HS6ST3: variants seen among roughly 807,000 people sequenced by gnomAD.
HS6ST3 encodes heparan-sulfate 6-O-sulfotransferase 3.
HS6ST3 carries 12 observed loss-of-function variants against 36.7 expected under a neutral mutation model. The observed-to-expected ratio is 0.33, with a 90% CI of 0.21 to 0.53. The LOEUF is 0.53. Ranked by LOEUF, HS6ST3 falls within the 20% of genes least tolerant of loss-of-function variation. The pLI, the probability that HS6ST3 is intolerant of heterozygous loss-of-function variation, is 0.95. For synonymous variants in HS6ST3, 240 were observed against 257.5 expected, an observed-to-expected ratio of 0.93 and a Z score of 0.65; for missense variants, 584 against 640.9, an observed-to-expected ratio of 0.91 and a Z score of 0.96.
intron 1 of HS6ST3, among the ~76,000 whole-genome samples, chr13:96,190,219 T>C (rs1012491287): frequency 5.3e-5 from 8 of 152,206 alleles, no homozygotes; most frequent in African/African-American, 1.9e-4. Flanking sequence ...TAGAAGTGTT[T>C]ACTGTGTTGT....
At chr13:96,448,231 A>G (rs1027394843) in intron 1 of HS6ST3, among the ~76,000 whole-genome samples, 4 of 152,186 alleles carry the variant, frequency 2.6e-5, no homozygotes, top group South Asian at 4.1e-4. Context: ...CCCACTAAAC[A>G]TACATTTGAC....
At chr13:96,541,345 A>G (rs1023444318) in intron 1 of HS6ST3, among the ~76,000 whole-genome samples, 1 of 152,036 alleles carries the variant, frequency 6.6e-6, no homozygotes, top group Non-Finnish European at 1.5e-5. Context: ...CCCCATTTAG[A>G]TCAAGTCTGA....
At chr13:96,187,310 A>G (rs2054269370) in intron 1 of HS6ST3, among the ~76,000 whole-genome samples, 1 of 152,266 alleles carries the variant, frequency 6.6e-6, no homozygotes, top group African/African-American at 2.4e-5. Context: ...AGCTGATCAA[A>G]TAATTAACAA....
At chr13:96,536,688 G>A (rs2056156627) in intron 1 of HS6ST3, among the ~76,000 whole-genome samples, 1 of 152,174 alleles carries the variant, frequency 6.6e-6, no homozygotes, top group African/African-American at 2.4e-5. Context: ...ACAGATTGGT[G>A]CTTGCCACCC....
intron 1 of HS6ST3, among the ~76,000 whole-genome samples, chr13:96,267,413 T>C (rs2054697782): frequency 6.6e-6 from 1 of 152,194 alleles, no homozygotes; most frequent in African/African-American, 2.4e-5. Flanking sequence ...TAAATTCTAA[T>C]TCTAATTTAA....
chr13:96,498,897 T>G (rs1233639706), intron 1 of HS6ST3, among the ~76,000 whole-genome samples: 3 of 152,220 alleles, frequency 2.0e-5, no homozygotes, highest in Non-Finnish European at 4.4e-5. Flanking sequence ...AAGAAAAGAC[T>G]GAGTCATCCA....
intron 1 of HS6ST3, chr13:96,169,641 T>C (rs1421644070): frequency 6.6e-6 from 1 of 152,244 alleles, no homozygotes; most frequent in Non-Finnish European, 1.5e-5. Context: ...TGGGCTGTAG[T>C]GTGCTGTGCC....
At chr13:96,251,483 C>T (rs1391508190) in intron 1 of HS6ST3, among the ~76,000 whole-genome samples, 1 of 151,896 alleles carries the variant, frequency 6.6e-6, no homozygotes, top group Non-Finnish European at 1.5e-5. Context: ...TCTTTTTTCC[C>T]TAGTCTAGCT....
intron 1 of HS6ST3, among the ~76,000 whole-genome samples, chr13:96,453,656 T>C (rs906427505): frequency 2.0e-5 from 3 of 152,132 alleles, no homozygotes; most frequent in Non-Finnish European, 4.4e-5. Context: ...AGAATTATTA[T>C]TGAAGCTACA....
At chr13:96,297,432 A>G (rs2054860575) in intron 1 of HS6ST3, among the ~76,000 whole-genome samples, 1 of 152,064 alleles carries the variant, frequency 6.6e-6, no homozygotes, top group Non-Finnish European at 1.5e-5. Flanking sequence ...CCAAAGCGGA[A>G]CTCTTAATCC....
Position 96,774,951 on chromosome 13 carries a change from C to A in HS6ST3, c.708-57539C>A, listed in dbSNP as rs192708069. Among the ~76,000 whole-genome samples the A allele has an allele frequency of 3.4e-3, 524 of 152,168 alleles. 2 individuals carry two copies. The highest frequency in any genetic ancestry group is 8.6e-3 in the Admixed American group (131 of 15,288). ...CAGAGAGAAAGGTTGGGTTACCCACCAAGGGAAGCCCACCAGACTAACAGT... is the reference window on the plus strand; with the variant it reads ...CAGAGAGAAAGGTTGGGTTACCCACAAAGGGAAGCCCACCAGACTAACAGT... On this transcript the variant is annotated intron_variant, in intron 1 of 1. Coordinates refer to ENST00000376705, the MANE Select transcript of HS6ST3 (RefSeq NM_153456.4).
At chr13:96,462,745 T>C (rs1450486278) in intron 1 of HS6ST3, among the ~76,000 whole-genome samples, 1 of 152,218 alleles carries the variant, frequency 6.6e-6, no homozygotes, top group Non-Finnish European at 1.5e-5. Context: ...GAAGGCAATT[T>C]AGCAAATTAC....
chr13:96,404,924 C>T (rs904422466), intron 1 of HS6ST3, among the ~76,000 whole-genome samples: 1 of 152,130 alleles, frequency 6.6e-6, no homozygotes, highest in African/African-American at 2.4e-5. Context: ...CTGCGTTGTG[C>T]TGGTGATAGT....
rs534470029 is a variant in HS6ST3, at chr13:96,580,869, CT to C, written c.708-251619del. Reference sequence around the variant, plus strand: ...AGCCTTTAACATTTAAATAATCAGCCTTCCTAAAATGATTGAAAATTGGATC... The same window carrying C: ...AGCCTTTAACATTTAAATAATCAGCCTCCTAAAATGATTGAAAATTGGATC... On this transcript the variant is annotated intron_variant, in intron 1 of 1. Transcript: ENST00000376705. Among the ~76,000 whole-genome samples, 1,013 of 152,016 alleles carry C rather than the reference CT, an allele frequency of 6.7e-3. 14 individuals are homozygous for C. Among genetic ancestry groups the C allele is most frequent in the African/African-American group, 0.023 (973 of 41,476 alleles).
chr13:96,789,353 A>G (rs934851875), intron 1 of HS6ST3, among the ~76,000 whole-genome samples: 1 of 151,828 alleles, frequency 6.6e-6, no homozygotes. Flanking sequence ...ACATCTACAT[A>G]CATTGAAACC....
At chr13:96,196,236 C>T (rs192456915) in intron 1 of HS6ST3, among the ~76,000 whole-genome samples, 1 of 152,290 alleles carries the variant, frequency 6.6e-6, no homozygotes, top group East Asian at 1.9e-4. Flanking sequence ...CTTCTACCCT[C>T]CTACTCAAAT....
chr13:96,686,456 CTG>C (rs1296511322), intron 1 of HS6ST3, among the ~76,000 whole-genome samples: 1 of 151,996 alleles, frequency 6.6e-6, no homozygotes, highest in African/African-American at 2.4e-5. Flanking sequence ...TGCAAGGTAA[CTG>C]AAACTATTCC....
intron 1 of HS6ST3, among the ~76,000 whole-genome samples, chr13:96,482,713 T>C (rs34504264): frequency 6.6e-6 from 1 of 152,124 alleles, no homozygotes; most frequent in East Asian, 1.9e-4. Context: ...TATAAAGAAG[T>C]GGATAAGATA....
At chr13:96,360,646 C>CA (rs5805964) in intron 1 of HS6ST3, among the ~76,000 whole-genome samples, 59,189 of 134,114 alleles carry the variant, frequency 0.44, 13,500 homozygotes, top group Non-Finnish European at 0.53. Context: ...TTTGTATTAT[C>CA]AAAAAAAAAA....
Sources: gnomAD v4.1 joint callset for allele counts (sites outside exome capture counted in the v4.1 genomes callset) on GRCh38, gnomAD v4.1.1 for gene constraint, MANE v1.5 for transcripts, NCBI Gene and HGNC (gene_info 2026-07-23, HGNC 2026-07-21) for gene names.